The following TCTN1 variants were observed in gnomAD, a reference collection of about 807,000 sequenced individuals.
The protein encoded by TCTN1 is tectonic family member 1.
In TCTN1, 58 loss-of-function variants were observed where a neutral mutation model predicts 65.8. The ratio of observed to expected loss-of-function variants is 0.88; its 90% confidence interval spans 0.71 to 1.10. TCTN1 has a LOEUF of 1.10. TCTN1 is among the 50% of genes least tolerant of loss of function. The pLI, the probability that TCTN1 is intolerant of heterozygous loss-of-function variation, is 0.00. For synonymous variants in TCTN1, 273 were observed against 289.1 expected (o/e 0.94, Z 0.57); for missense variants, 645 against 719.4 (o/e 0.90, Z 1.18).
intron 6 of TCTN1, chr12:110,635,548 G>C (rs559659354): frequency 6.6e-6 from 1 of 151,700 alleles, no homozygotes; most frequent in South Asian, 2.1e-4. Context: ...TTGATCCTAA[G>C]AGGCTGAGGT....
chr12:110,628,972 T>G, intron 4 of TCTN1, 54 bp downstream of exon 4: 1 of 1,604,400 alleles, frequency 6.2e-7, no homozygotes. Flanking sequence ...TCTTTCCTTG[T>G]AAGTTAATTT....
chr12:110,632,047 G>A (rs1302279570), intron 4 of TCTN1, among the ~76,000 whole-genome samples: 1 of 152,162 alleles, frequency 6.6e-6, no homozygotes, highest in Non-Finnish European at 1.5e-5. Context: ...TTGGTTTTGG[G>A]AAAGAAGGCA....
intron 5 of TCTN1, 167 bp from the exon 6 acceptor site, chr12:110,634,503 C>A: frequency 3.1e-6 from 2 of 635,780 alleles, no homozygotes; most frequent in Non-Finnish European, 2.8e-6. Context: ...ACGGTGAAAC[C>A]TTGTCTCTAC....
At chr12:110,641,483 C>T in intron 9 of TCTN1, 59 bp from the exon 10 acceptor site, 2 of 1,489,778 alleles carry the variant, frequency 1.3e-6, no homozygotes, top group Non-Finnish European at 1.9e-6. Flanking sequence ...AATTTTTCTT[C>T]CTGCCATTTC....
chr12:110,628,915 T>C lies in TCTN1; in HGVS notation c.621T>C (p.Tyr207=), dbSNP rs757534239. 3.7e-6 allele frequency: 6 copies of C among 1,613,566 alleles called. No homozygotes were observed. In the Admixed American group the frequency reaches 6.7e-5, roughly 18 times the overall value. ...TGGATATTCCTACTGCTGCTAAATA[T>C]GAGGTGAGCCTGAACTTGATTGATT... The part of the protein sequence containing the change: ...TKLDIPTAAK[Y]EYGVPLQTSD... Residue 207 remains tyrosine (Y), a synonymous_variant, in exon 4 of 15, where the codon TAT becomes TAC. Coordinates refer to ENST00000397659, the MANE Select transcript of TCTN1 (RefSeq NM_001082538.3).
rs1456183091 is a variant in TCTN1, at chr12:110,640,326, T to C, written c.844-57T>C. 6.2e-7 allele frequency: 1 copy of C among 1,613,156 alleles called. No individual in the cohort carries two copies. Among genetic ancestry groups the C allele is most frequent in the South Asian group, 1.1e-5 (1 of 90,812 alleles). On this transcript the variant is annotated intron_variant, in intron 7 of 14. Coordinates refer to ENST00000397659, the MANE Select transcript of TCTN1 (RefSeq NM_001082538.3). This position sits in a 1 kb window ranked among gnomAD's most constrained non-coding sequence, Gnocchi z 4.9. ...GGTTTCTTTCCAGTTGGTTGGTTATTTTAGCCCATCCTCCCTGGGTAGAGC... is the reference window on the plus strand; with the variant it reads ...GGTTTCTTTCCAGTTGGTTGGTTATCTTAGCCCATCCTCCCTGGGTAGAGC...
At chr12:110,641,939 TAA>T (rs1593358368) in intron 10 of TCTN1, 23 of 555,306 alleles carry the variant, frequency 4.1e-5, no homozygotes, top group South Asian at 3.8e-4. Context: ...ACGAAAATCT[TAA>T]GAGAGAAAAG....
At chr12:110,628,735 C>T (rs778496705) in intron 3 of TCTN1, 32 bp from the exon 4 acceptor site, 32 of 1,540,066 alleles carry the variant, frequency 2.1e-5, no homozygotes, top group African/African-American at 5.5e-5. Flanking sequence ...TATTTTATAC[C>T]GATTTAAAAT....
Position 110,649,146 on chromosome 12 carries a change from G to C in TCTN1, c.*105G>C. On this transcript the variant is annotated 3_prime_UTR_variant, in exon 15 of 15. Transcript: ENST00000397659. ...CAACTAGCAATTGTCCAGCTTTGTT[G>C]CTCATTTTCAATTAAGGCTAAAGTG... 1.5e-6 allele frequency: 1 copy of C among 675,686 alleles called. No individual in the cohort carries two copies. The highest frequency in any genetic ancestry group is 2.8e-5 in the East Asian group (1 of 35,806). The allele number at this position is 675,686 out of a possible 1,614,324, so 41.9% of individuals were successfully genotyped here.
chr12:110,619,130 A>T (rs2065248286), intron 1 of TCTN1, among the ~76,000 whole-genome samples: 1 of 152,186 alleles, frequency 6.6e-6, no homozygotes, highest in South Asian at 2.1e-4. Flanking sequence ...GTGAGCCAAG[A>T]TTGCACCATT....
At chr12:110,626,737 G>T (rs2065870545) in intron 3 of TCTN1, among the ~76,000 whole-genome samples, 1 of 147,800 alleles carries the variant, frequency 6.8e-6, no homozygotes, top group African/African-American at 2.5e-5. Context: ...CTGCCACCAT[G>T]CCTGGATAAT....
intron 1 of TCTN1, chr12:110,616,286 C>G (rs899586194): frequency 5.2e-5 from 23 of 446,408 alleles, no homozygotes; most frequent in Non-Finnish European, 9.0e-5. Flanking sequence ...GGGTCTCACT[C>G]TGTCACTCAG....
chr12:110,634,707 A>C lies in TCTN1; in HGVS notation c.750A>C (p.Lys250Asn). Residue 250 changes from lysine (K) to asparagine (N), a missense_variant, in exon 6 of 15, where the codon AAA (lysine) becomes AAC (asparagine). Physicochemically the swap from Lys to Asn is moderately conservative, Grantham distance 94. Transcript: ENST00000397659. ...LVNQAVKCTRKINLEQCEEIE... is the reference protein window; with the variant it reads ...LVNQAVKCTRNINLEQCEEIE... ...ACCAGGCTGTTAAGTGCACCAGAAA[A>C]ATAAATTTAGAACAGTGTGAAGAAA... 6.2e-7 allele frequency: 1 copy of C among 1,612,326 alleles called. No individual in the cohort carries two copies. The highest frequency in any genetic ancestry group is 1.1e-5 in the South Asian group (1 of 90,600).
Position 110,641,145 on chromosome 12 carries a change from T to C in TCTN1, c.1100T>C (p.Leu367Pro). 1 of 1,614,246 alleles carries C rather than the reference T, an allele frequency of 6.2e-7. No homozygotes were observed. Among genetic ancestry groups the C allele is most frequent in the Non-Finnish European group, 8.5e-7 (1 of 1,180,042 alleles). ...CAGCAAAAGTTTGAAATTCATTTTC[T>C]TCAGGTAAGGTTGATCAATTTGGCA... ...PLQQKFEIHF[L>P]QENTQPVPLS... Residue 367 changes from leucine (L) to proline (P), a missense_variant, in exon 9 of 15, where the codon CTT becomes CCT. Coordinates refer to ENST00000397659, the MANE Select transcript of TCTN1 (RefSeq NM_001082538.3).
intron 13 of TCTN1, 184 bp downstream of exon 13, chr12:110,647,520 T>A (rs1319149389): frequency 2.0e-6 from 2 of 989,628 alleles, no homozygotes; most frequent in Non-Finnish European, 3.0e-6. Flanking sequence ...GCATTCTGGT[T>A]CAGATTGGAT....
chr12:110,635,198 G>A (rs2066478339), intron 6 of TCTN1, among the ~76,000 whole-genome samples: 1 of 152,198 alleles, frequency 6.6e-6, no homozygotes, highest in Non-Finnish European at 1.5e-5. Flanking sequence ...GACACAGGCA[G>A]TCAGGAAAGA....
In TCTN1 at chr12:110,644,875, TAAAC is replaced by T. The variant is rs889568979; in HGVS notation, c.1332-88_1332-85del. 1.6e-5 allele frequency: 25 copies of T among 1,549,582 alleles called. No homozygotes were observed. The highest frequency in any genetic ancestry group is 6.7e-5 in the South Asian group (6 of 89,522). On this transcript the variant is annotated intron_variant, in intron 11 of 14. Coordinates refer to ENST00000397659, the MANE Select transcript of TCTN1 (RefSeq NM_001082538.3). The surrounding 1 kb of genome is among the most constrained non-coding windows in gnomAD (Gnocchi z 4.6). Reference sequence around the variant, plus strand: ...AGTGAGACCTTATCTCAAAAATAAATAAACAAAGGGAAGGAAAGGAAGAAGAAAA... The same window carrying T: ...AGTGAGACCTTATCTCAAAAATAAATAAAGGGAAGGAAAGGAAGAAGAAAA...
intron 4 of TCTN1, chr12:110,629,149 A>G (rs2066054702): frequency 1.2e-5 from 7 of 608,384 alleles, no homozygotes; most frequent in Non-Finnish European, 1.7e-5. Context: ...ACCCTAGAAG[A>G]AAACCCAGGC....
chr12:110,640,904 C>A lies in TCTN1; in HGVS notation c.979-120C>A, dbSNP rs537373667. On this transcript the variant is annotated intron_variant, in intron 8 of 14. Coordinates refer to ENST00000397659, the MANE Select transcript of TCTN1 (RefSeq NM_001082538.3). This position sits in a 1 kb window ranked among gnomAD's most constrained non-coding sequence, Gnocchi z 4.9. The stretch of plus-strand genomic sequence containing the variant: ...CTCATAATCCAACTGGACAGCAGAG[C>A]AAGGCTTCAACACATGGAGAAACAG... The A allele has an allele frequency of 8.9e-4, 1,269 of 1,423,948 alleles. 2 individuals are homozygous for A. The highest frequency in any genetic ancestry group is 1.1e-3 in the Non-Finnish European group (1,151 of 1,017,552). 88.2% of individuals were successfully genotyped at this position (1,423,948 alleles called of 1,614,324 possible). A position where few individuals can be genotyped will look rare whatever the true frequency, so the allele number is the denominator to read the frequency against.
Sources: gnomAD v4.1 joint callset for allele counts (sites outside exome capture counted in the v4.1 genomes callset) on GRCh38, gnomAD v4.1.1 for gene constraint, Gnocchi (gnomAD v3.1) non-coding constraint, MANE v1.5 for transcripts, NCBI Gene and HGNC (gene_info 2026-07-23, HGNC 2026-07-21) for gene names.